Variants in SLC24A2 observed in about 807,000 individuals in gnomAD.
SLC24A2 encodes sodium/potassium/calcium exchanger 2.
SLC24A2 carries 36 observed loss-of-function variants against 62.0 expected under a neutral mutation model. The observed-to-expected ratio is 0.58, with a 90% CI of 0.44 to 0.77. The LOEUF is 0.77. Among genes scored for constraint, SLC24A2 ranks in the 30% least tolerant of loss-of-function variants. The pLI, the probability that SLC24A2 is intolerant of heterozygous loss-of-function variation, is 0.00. For synonymous variants in SLC24A2, 358 were observed against 294.0 expected (o/e 1.22, Z -2.23); for missense variants, 846 against 817.9 (o/e 1.03, Z -0.42).
chr9:20,284,401 C>T, the SLC24A2 span, among the ~76,000 whole-genome samples: 1 of 152,074 alleles, frequency 6.6e-6, no homozygotes, highest in African/African-American at 2.4e-5. Context: ...CCTCAACCTC[C>T]CGAGTAGCTG....
At chr9:20,123,722 C>A in the SLC24A2 span, among the ~76,000 whole-genome samples, 3 of 152,056 alleles carry the variant, frequency 2.0e-5, no homozygotes, top group African/African-American at 7.2e-5. Context: ...TTATCATTAA[C>A]GTCACACATC....
the SLC24A2 span, among the ~76,000 whole-genome samples, chr9:19,899,693 G>A: frequency 2.3e-3 from 353 of 152,278 alleles, 1 homozygote; most frequent in African/African-American, 5.7e-3. Context: ...AGGTTTAATT[G>A]ACTCACAGTT....
chr9:19,840,469 T>C, the SLC24A2 span, among the ~76,000 whole-genome samples: 3 of 152,184 alleles, frequency 2.0e-5, no homozygotes, highest in African/African-American at 7.2e-5. Context: ...ATACAGGAGC[T>C]TTTCCTGGGC....
At chr9:20,152,590 T>C in the SLC24A2 span, among the ~76,000 whole-genome samples, 1 of 151,898 alleles carries the variant, frequency 6.6e-6, no homozygotes, top group Non-Finnish European at 1.5e-5. Context: ...ACTGTTTGAA[T>C]TCTAGAACTA....
At chr9:20,095,852 C>G in the SLC24A2 span, among the ~76,000 whole-genome samples, 82 of 152,208 alleles carry the variant, frequency 5.4e-4, no homozygotes, top group African/African-American at 1.9e-3. Context: ...TCTTATATGG[C>G]AGCAGACAAA....
chr9:20,190,073 G>T, the SLC24A2 span, among the ~76,000 whole-genome samples: 2 of 152,176 alleles, frequency 1.3e-5, no homozygotes, highest in African/African-American at 4.8e-5. Flanking sequence ...CTCTCCAGCG[G>T]TTCCCTGGGA....
chr9:19,904,949 A>C, the SLC24A2 span, among the ~76,000 whole-genome samples: 1 of 152,338 alleles, frequency 6.6e-6, no homozygotes, highest in South Asian at 2.1e-4. Flanking sequence ...AATTAATCTT[A>C]GAGGAAGAGA....
the SLC24A2 span, among the ~76,000 whole-genome samples, chr9:19,952,706 G>T: frequency 8.2e-5 from 12 of 146,068 alleles, no homozygotes; most frequent in African/African-American, 3.0e-4. Flanking sequence ...ATCGTCTGTA[G>T]TTTTCTTGTG....
chr9:19,986,996 T>C, the SLC24A2 span, among the ~76,000 whole-genome samples: 1 of 151,780 alleles, frequency 6.6e-6, no homozygotes, highest in African/African-American at 2.4e-5. Context: ...AATAATGAGC[T>C]TGAACTCAAG....
the SLC24A2 span, among the ~76,000 whole-genome samples, chr9:20,099,886 C>T: frequency 6.6e-6 from 1 of 152,212 alleles, no homozygotes; most frequent in Non-Finnish European, 1.5e-5. Flanking sequence ...AATCCCACCA[C>T]TCATGGGAAT....
intron 5 of SLC24A2, among the ~76,000 whole-genome samples, chr9:19,583,363 C>A (rs1222518115): frequency 1.3e-5 from 2 of 152,208 alleles, no homozygotes; most frequent in Non-Finnish European, 2.9e-5. Flanking sequence ...TAGCTTCTCT[C>A]TCCAGCATTT....
rs541880223 is a variant in SLC24A2, at chr9:19,615,563, C to A, written c.1078+4021G>T. ...TACCAGAGCAATCTGTTTTCTTGGC[C>A]GCCTGCTATGGAGCAATTTTAAAGC... On this transcript the variant is annotated intron_variant, in intron 4 of 10. Transcript: ENST00000341998. Among the ~76,000 whole-genome samples the A allele has an allele frequency of 2.0e-5, 3 of 152,262 alleles. No individual in the cohort carries two copies. In the East Asian group the frequency reaches 5.8e-4, roughly 29 times the overall value.
chr9:19,544,666 G>A (rs200075617), intron 8 of SLC24A2, among the ~76,000 whole-genome samples: 1 of 152,116 alleles, frequency 6.6e-6, no homozygotes, highest in Non-Finnish European at 1.5e-5. Flanking sequence ...CTGTAAAGGA[G>A]TTTATTTCTC....
chr9:20,277,369 G>A, the SLC24A2 span, among the ~76,000 whole-genome samples: 1 of 151,514 alleles, frequency 6.6e-6, no homozygotes, highest in South Asian at 2.1e-4. Flanking sequence ...AATCTACAAA[G>A]AACTTAAACA....
At chr9:19,965,630 G>A in the SLC24A2 span, among the ~76,000 whole-genome samples, 1 of 152,156 alleles carries the variant, frequency 6.6e-6, no homozygotes, top group Non-Finnish European at 1.5e-5. Flanking sequence ...TGTCTTAAGT[G>A]GCCATAGTCA....
chr9:19,758,481 C>T (rs886852833), intron 2 of SLC24A2, among the ~76,000 whole-genome samples: 2 of 152,152 alleles, frequency 1.3e-5, no homozygotes, highest in Non-Finnish European at 2.9e-5. Flanking sequence ...TAGGACTATT[C>T]TACACAAATT....
chr9:19,698,458 G>A (rs1296224411), intron 2 of SLC24A2, among the ~76,000 whole-genome samples: 1 of 152,098 alleles, frequency 6.6e-6, no homozygotes, highest in East Asian at 1.9e-4. Context: ...AAGCATTTTG[G>A]ATAAGGGACC....
chr9:20,303,269 T>C, the SLC24A2 span, among the ~76,000 whole-genome samples: 1 of 152,076 alleles, frequency 6.6e-6, no homozygotes, highest in Non-Finnish European at 1.5e-5. Flanking sequence ...CTCCAAAGGG[T>C]ACATCCCTCC....
At chr9:20,180,451 A>G in the SLC24A2 span, among the ~76,000 whole-genome samples, 2 of 152,128 alleles carry the variant, frequency 1.3e-5, no homozygotes, top group Non-Finnish European at 2.9e-5. Flanking sequence ...TTAATTTTTC[A>G]AGTACTTATA....
Sources: allele counts gnomAD v4.1 joint callset (sites outside exome capture counted in the v4.1 genomes callset), GRCh38; gene constraint gnomAD v4.1.1; transcripts MANE v1.5; gene names NCBI Gene and HGNC (gene_info 2026-07-23, HGNC 2026-07-21).